The following SLC4A4 variants were observed in gnomAD, a reference collection of about 807,000 sequenced individuals.
The protein encoded by SLC4A4 is electrogenic sodium bicarbonate cotransporter 1.
SLC4A4 carries 27 observed loss-of-function variants against 111.5 expected under a neutral mutation model. The observed-to-expected ratio is 0.24, with a 90% CI of 0.18 to 0.33. The LOEUF (loss-of-function observed/expected upper bound fraction) is 0.33. Among genes scored for constraint, SLC4A4 ranks in the 10% least tolerant of loss-of-function variants. SLC4A4 has a pLI of 1.00. For missense variants in SLC4A4, 909 were observed against 1,315.5 expected (o/e 0.69, Z 4.78); for synonymous variants, 443 against 463.4 (o/e 0.96, Z 0.57).
At chr4:71,448,322 A>G (rs1253180301) in intron 9 of SLC4A4, among the ~76,000 whole-genome samples, 2 of 146,038 alleles carry the variant, frequency 1.4e-5, no homozygotes, top group Admixed American at 1.4e-4. Context: ...TCCATCTCAA[A>G]AAAAAAAAAA....
At chr4:71,076,358 C>T (rs1741823820) in intron 1 of SLC4A4, among the ~76,000 whole-genome samples, 1 of 152,058 alleles carries the variant, frequency 6.6e-6, no homozygotes, top group Non-Finnish European at 1.5e-5. Flanking sequence ...TAGTGAAACC[C>T]TGTCTCGACT....
chr4:71,211,771 GTTT>G (rs66777834), intron 1 of SLC4A4, among the ~76,000 whole-genome samples: 85,340 of 140,028 alleles, frequency 0.61, 28,349 homozygotes, highest in Non-Finnish European at 0.77. Flanking sequence ...GAATTTATCT[GTTT>G]TTTTTTTTTT....
At chr4:71,085,037 C>G (rs1156738842) in intron 1 of SLC4A4, among the ~76,000 whole-genome samples, 1 of 152,036 alleles carries the variant, frequency 6.6e-6, no homozygotes, top group Non-Finnish European at 1.5e-5. Context: ...TAAAAGTGTT[C>G]CCATTTCTCC....
intron 14 of SLC4A4, among the ~76,000 whole-genome samples, chr4:71,485,485 C>G (rs542818207): frequency 2.6e-5 from 4 of 151,710 alleles, no homozygotes; most frequent in African/African-American, 9.6e-5. Flanking sequence ...GGGATAAAGC[C>G]TACTTGATCG....
intron 6 of SLC4A4, among the ~76,000 whole-genome samples, chr4:71,376,844 C>T (rs371537509): frequency 6.6e-5 from 10 of 151,534 alleles, no homozygotes; most frequent in Admixed American, 5.3e-4. Flanking sequence ...GCCATGTTGC[C>T]GAGGCTGGTC....
At chr4:71,339,062 A>G (rs908475940) in intron 3 of SLC4A4, 1 of 1,523,700 alleles carries the variant, frequency 6.6e-7, no homozygotes, top group Non-Finnish European at 8.8e-7. Flanking sequence ...AAGGAGGGGA[A>G]GTGAGTGGTT....
At chr4:71,333,696 T>C (rs1019605055) in intron 3 of SLC4A4, among the ~76,000 whole-genome samples, 2 of 152,178 alleles carry the variant, frequency 1.3e-5, no homozygotes, top group Non-Finnish European at 1.5e-5. Context: ...GGAATCTATT[T>C]GGTACTCTAT....
At chr4:71,317,638 T>C (rs889436737) in intron 3 of SLC4A4, among the ~76,000 whole-genome samples, 1 of 152,086 alleles carries the variant, frequency 6.6e-6, no homozygotes, top group Non-Finnish European at 1.5e-5. Flanking sequence ...AATGGCTAGA[T>C]ATGTTTTTGA....
chr4:71,154,753 G>A (rs1391099389), intron 2 of SLC4A4, among the ~76,000 whole-genome samples: 1 of 151,998 alleles, frequency 6.6e-6, no homozygotes, highest in Admixed American at 6.6e-5. Flanking sequence ...AATAGATTAA[G>A]AAGAAACTAG....
intron 7 of SLC4A4, among the ~76,000 whole-genome samples, chr4:71,435,475 T>A (rs34970669): frequency 0.2 from 30,009 of 152,036 alleles, 3,290 homozygotes; most frequent in South Asian, 0.42. Context: ...AACCTAGGCA[T>A]TACCATTCAG....
intron 2 of SLC4A4, among the ~76,000 whole-genome samples, chr4:71,159,105 G>A (rs1744553484): frequency 6.6e-6 from 1 of 152,170 alleles, no homozygotes; most frequent in Non-Finnish European, 1.5e-5. Flanking sequence ...TCATATATGT[G>A]TATATGTGTA....
intron 2 of SLC4A4, among the ~76,000 whole-genome samples, chr4:71,125,386 A>G (rs964945357): frequency 1.3e-5 from 2 of 152,232 alleles, no homozygotes; most frequent in African/African-American, 4.8e-5. Flanking sequence ...CAGCCTGGCC[A>G]ACATGGCAAA....
At chr4:71,317,651 T>C (rs1415858315) in intron 3 of SLC4A4, among the ~76,000 whole-genome samples, 1 of 152,052 alleles carries the variant, frequency 6.6e-6, no homozygotes, top group Non-Finnish European at 1.5e-5. Context: ...GTTTTTGAAA[T>C]CTCCTGTTTG....
chr4:71,330,777 T>C (rs1258541195), intron 3 of SLC4A4, among the ~76,000 whole-genome samples: 1 of 152,002 alleles, frequency 6.6e-6, no homozygotes, highest in African/African-American at 2.4e-5. Context: ...CAAAAGAAAC[T>C]ACCATCAGAG....
At chr4:71,293,845 G>A (rs1560385076) in intron 3 of SLC4A4, among the ~76,000 whole-genome samples, 3 of 152,112 alleles carry the variant, frequency 2.0e-5, no homozygotes, top group Admixed American at 6.6e-5. Context: ...ATAACGTATC[G>A]CTGTCACTCT....
At position 71,556,018 on chromosome 4, in the gene SLC4A4, T is replaced by G. The variant is rs371471638; in HGVS notation, c.2763+810T>G. On this transcript the variant is annotated intron_variant, in intron 21 of 25. Transcript: ENST00000264485. ...AGCCTTATTTAGCACTTAGTAATATTTTAATGGGAAAAGACTGCATGTCCT... is the reference window on the plus strand; with the variant it reads ...AGCCTTATTTAGCACTTAGTAATATGTTAATGGGAAAAGACTGCATGTCCT... 1.4e-3 allele frequency among the ~76,000 whole-genome samples: 220 copies of G among 152,076 alleles called. 6 individuals are homozygous for G. In the South Asian group the frequency reaches 0.044, roughly 31 times the overall value.
At chr4:71,457,653 C>T (rs1726407050) in intron 12 of SLC4A4, among the ~76,000 whole-genome samples, 1 of 152,074 alleles carries the variant, frequency 6.6e-6, no homozygotes, top group South Asian at 2.1e-4. Context: ...GGTCTCCTTG[C>T]CATATTGTCA....
chr4:71,496,451 A>T (rs1730416026), intron 15 of SLC4A4, among the ~76,000 whole-genome samples: 1 of 152,086 alleles, frequency 6.6e-6, no homozygotes, highest in Non-Finnish European at 1.5e-5. Flanking sequence ...GCTGTGGAGC[A>T]TAAATTGTGC....
At chr4:71,517,506 G>T (rs1560580310) in intron 16 of SLC4A4, among the ~76,000 whole-genome samples, 1 of 151,410 alleles carries the variant, frequency 6.6e-6, no homozygotes, top group Non-Finnish European at 1.5e-5. Flanking sequence ...TTCTAGTTTT[G>T]GTCATTTATT....
Sources: allele counts gnomAD v4.1 joint callset (sites outside exome capture counted in the v4.1 genomes callset), GRCh38; gene constraint gnomAD v4.1.1; transcripts MANE v1.5; gene names NCBI Gene and HGNC (gene_info 2026-07-23, HGNC 2026-07-21).